The following ARID1B variants were observed in gnomAD, a reference collection of about 807,000 sequenced individuals.
ARID1B encodes AT-rich interactive domain-containing protein 1B.
In ARID1B, 30 loss-of-function variants were observed where a neutral mutation model predicts 212.3. The observed-to-expected ratio is 0.14, with a 90% confidence interval of 0.11 to 0.19. The LOEUF (loss-of-function observed/expected upper bound fraction) is 0.19. ARID1B is among the 10% of genes least tolerant of loss of function. The probability of loss-of-function intolerance (pLI) is 1.00; values close to 1 mark genes in which losing one functional copy is unlikely to be tolerated. For synonymous variants in ARID1B, 1,402 were observed against 1,301.7 expected, an observed-to-expected ratio of 1.08 and a Z score of -1.66; for missense variants, 2,891 against 3,204.0, an observed-to-expected ratio of 0.90 and a Z score of 2.36.
At chr6:156,994,500 A>G (rs1366874087) in intron 4 of ARID1B, among the ~76,000 whole-genome samples, 1 of 151,990 alleles carries the variant, frequency 6.6e-6, no homozygotes, top group African/African-American at 2.4e-5. Context: ...AAACAAATAT[A>G]CAAAAAAAAA....
At chr6:156,788,777 C>A (rs949671245) in intron 1 of ARID1B, among the ~76,000 whole-genome samples, 1 of 152,148 alleles carries the variant, frequency 6.6e-6, no homozygotes, top group Non-Finnish European at 1.5e-5. Flanking sequence ...TACCGGGGTC[C>A]TCCCTCAAAT....
rs191047738 is a variant in ARID1B, at chr6:157,050,159, G to A, written c.2248-34503G>A. On this transcript the variant is annotated intron_variant, in intron 4 of 19. Coordinates refer to ENST00000636930, the MANE Select transcript of ARID1B (RefSeq NM_001374828.1). Reference sequence around the variant, plus strand: ...ATCTCAGATGCCCAGAAGAATGGGAGGGGCCAAAGGAGCTCCACTTTGTAT... The same window carrying A: ...ATCTCAGATGCCCAGAAGAATGGGAAGGGCCAAAGGAGCTCCACTTTGTAT... Among the ~76,000 whole-genome samples the A allele has an allele frequency of 4.7e-4, 72 of 152,214 alleles. No homozygotes were observed. In the East Asian group the frequency reaches 0.014, roughly 29 times the overall value.
At chr6:157,103,315 G>A (rs1480437933) in intron 5 of ARID1B, among the ~76,000 whole-genome samples, 2 of 151,888 alleles carry the variant, frequency 1.3e-5, no homozygotes, top group African/African-American at 2.4e-5. Context: ...ATAATATAGC[G>A]GGGAACCAAA....
intron 1 of ARID1B, among the ~76,000 whole-genome samples, chr6:156,822,212 T>C (rs138155457): frequency 2.6e-4 from 39 of 152,360 alleles, no homozygotes; most frequent in African/African-American, 8.2e-4. Flanking sequence ...GTGACAAATA[T>C]TCCTGTATTG....
At chr6:156,980,406 C>T (rs937365095) in intron 4 of ARID1B, among the ~76,000 whole-genome samples, 1 of 152,096 alleles carries the variant, frequency 6.6e-6, no homozygotes, top group East Asian at 1.9e-4. Context: ...TTGCCTGAAC[C>T]TGGGAGGTGG....
chr6:157,015,594 T>C (rs1454762221), intron 4 of ARID1B, among the ~76,000 whole-genome samples: 1 of 152,202 alleles, frequency 6.6e-6, no homozygotes, highest in Non-Finnish European at 1.5e-5. Context: ...ACTTTTAAAT[T>C]TGACACTTCT....
At chr6:157,002,605 A>G (rs1351450598) in intron 4 of ARID1B, among the ~76,000 whole-genome samples, 1 of 152,250 alleles carries the variant, frequency 6.6e-6, no homozygotes, top group Non-Finnish European at 1.5e-5. Flanking sequence ...TCCTTGGGAA[A>G]TGCCTTAAAA....
At chr6:156,837,364 A>T (rs1783582770) in intron 2 of ARID1B, among the ~76,000 whole-genome samples, 1 of 152,252 alleles carries the variant, frequency 6.6e-6, no homozygotes, top group African/African-American at 2.4e-5. Context: ...GAAAACAAGT[A>T]TATATTGAAC....
At chr6:157,138,009 T>C (rs1304622320) in intron 7 of ARID1B, among the ~76,000 whole-genome samples, 1 of 152,192 alleles carries the variant, frequency 6.6e-6, no homozygotes, top group East Asian at 1.9e-4. Context: ...TTAAATGATA[T>C]TCAGTTGAAA....
At chr6:157,066,310 C>T (rs191588795) in intron 4 of ARID1B, among the ~76,000 whole-genome samples, 1 of 152,294 alleles carries the variant, frequency 6.6e-6, no homozygotes, top group East Asian at 1.9e-4. Context: ...TTAAAAATTA[C>T]AGAAAGGAAG....
intron 1 of ARID1B, among the ~76,000 whole-genome samples, chr6:156,783,837 G>C (rs1375099080): frequency 6.6e-6 from 1 of 152,162 alleles, no homozygotes; most frequent in Non-Finnish European, 1.5e-5. Flanking sequence ...ACACTGCTCA[G>C]CTCATGGGGT....
chr6:157,168,475 C>T (rs1029562899), intron 9 of ARID1B: 1 of 152,220 alleles, frequency 6.6e-6, no homozygotes, highest in African/African-American at 2.4e-5. Flanking sequence ...CTAACCAGTG[C>T]TGGCCCAGGT....
chr6:157,194,343 A>T (rs939228957), intron 15 of ARID1B: 1 of 152,244 alleles, frequency 6.6e-6, no homozygotes, highest in African/African-American at 2.4e-5. Flanking sequence ...AACAGGTGAA[A>T]GCACATTGCA....
At chr6:156,850,528 A>C (rs1784516742) in intron 2 of ARID1B, among the ~76,000 whole-genome samples, 1 of 152,212 alleles carries the variant, frequency 6.6e-6, no homozygotes, top group African/African-American at 2.4e-5. Flanking sequence ...AAGTGGAAAC[A>C]CTGGAATCAC....
At chr6:156,940,685 C>G (rs564369930) in intron 4 of ARID1B, 1 of 152,276 alleles carries the variant, frequency 6.6e-6, no homozygotes, top group East Asian at 1.9e-4. Flanking sequence ...ATGACACTTA[C>G]GTTGGTTAGT....
intron 4 of ARID1B, among the ~76,000 whole-genome samples, chr6:157,007,360 G>A (rs978806139): frequency 6.6e-6 from 1 of 152,136 alleles, no homozygotes; most frequent in Non-Finnish European, 1.5e-5. Flanking sequence ...ATCCCAAAAT[G>A]TTATTCTTTT....
chr6:157,130,828 G>C (rs1167178573), intron 6 of ARID1B, among the ~76,000 whole-genome samples: 1 of 152,156 alleles, frequency 6.6e-6, no homozygotes, highest in Non-Finnish European at 1.5e-5. Flanking sequence ...GCAGAAACCT[G>C]CCCGTCTCCA....
intron 7 of ARID1B, among the ~76,000 whole-genome samples, chr6:157,141,959 C>T (rs1270942313): frequency 6.6e-6 from 1 of 152,174 alleles, no homozygotes; most frequent in Non-Finnish European, 1.5e-5. Flanking sequence ...CACACAAAGA[C>T]CTGTATACAA....
intron 4 of ARID1B, chr6:157,036,253 T>G (rs544345472): frequency 2.6e-5 from 4 of 152,522 alleles, no homozygotes; most frequent in African/African-American, 9.6e-5. Context: ...AGCTCTGTCT[T>G]CTATGCATGA....
Sources: gnomAD v4.1 joint callset for allele counts (sites outside exome capture counted in the v4.1 genomes callset) on GRCh38, gnomAD v4.1.1 for gene constraint, MANE v1.5 for transcripts, NCBI Gene and HGNC (gene_info 2026-07-23, HGNC 2026-07-21) for gene names.